CPT1C: variants seen among roughly 807,000 people sequenced by gnomAD.
The protein encoded by CPT1C is palmitoyl thioesterase CPT1C.
CPT1C carries 61 observed loss-of-function variants against 97.3 expected under a neutral mutation model. The ratio of observed to expected loss-of-function variants is 0.63; its 90% CI spans 0.51 to 0.78. The LOEUF (loss-of-function observed/expected upper bound fraction) is 0.78. Among genes scored for constraint, CPT1C ranks in the 30% least tolerant of loss-of-function variants. CPT1C has a pLI of 0.00. For missense variants in CPT1C, 975 were observed against 1,065.5 expected (o/e 0.92, Z 1.18); for synonymous variants, 469 against 447.2 (o/e 1.05, Z -0.61).
At chr19:49,710,298 C>G (rs2083779029) in intron 14 of CPT1C, 22 bp from the exon 15 acceptor site, 1 of 1,611,842 alleles carries the variant, frequency 6.2e-7, no homozygotes, top group South Asian at 1.1e-5. Flanking sequence ...CCAACTACTC[C>G]TCTTCCCTCC....
At chr19:49,701,691 C>G (rs2083071605) in intron 7 of CPT1C, 57 bp downstream of exon 7, 2 of 1,513,782 alleles carry the variant, frequency 1.3e-6, no homozygotes, top group African/African-American at 1.4e-5. Flanking sequence ...TGTGAGCTCG[C>G]CTGCTAAACT....
chr19:49,709,886 A>G (rs1377292206), intron 14 of CPT1C, among the ~76,000 whole-genome samples: 11 of 142,940 alleles, frequency 7.7e-5, no homozygotes, highest in Non-Finnish European at 1.5e-4. Context: ...CTTGCTCTGT[A>G]CCCAGGCTGG....
Position 49,709,270 on chromosome 19 carries a change from TC to T in CPT1C, c.1566+433del, listed in dbSNP as rs1206798684. 2.8e-5 allele frequency among the ~76,000 whole-genome samples: 4 copies of T among 144,346 alleles called. No homozygotes were observed. The East Asian group carries it at 9.0e-4, about 33-fold the overall frequency. 94.7% of individuals were successfully genotyped at this position (144,346 alleles called of 152,430 possible). A position where few individuals can be genotyped will look rare whatever the true frequency, so the allele number is the denominator to read the frequency against. ...AACCCCATACCCAACCCCAACCCCATCCTGTACTCAGCCACGACCCCACTTC... is the reference window on the plus strand; with the variant it reads ...AACCCCATACCCAACCCCAACCCCATCTGTACTCAGCCACGACCCCACTTC... On this transcript the variant is annotated intron_variant, in intron 14 of 19. Transcript: ENST00000598293.
upstream of CPT1C, chr19:49,691,080 G>A (rs946894320): frequency 6.6e-6 from 1 of 152,082 alleles, no homozygotes; most frequent in African/African-American, 2.4e-5. Context: ...ATAGAACGCG[G>A]GGATTGGAAG....
In CPT1C at chr19:49,701,515, C is replaced by G. The variant is rs1229810895; in HGVS notation, c.574C>G (p.Pro192Ala). Residue 192 changes from proline (P) to alanine (A), a missense_variant, in exon 7 of 20, where the codon CCC becomes GCC. Transcript: ENST00000598293. ...CCTTTAGTACCTGGAGTCGGTCCGGCCCATCCTCTCCGACGAGGACTTCGA... is the reference window on the plus strand; with the variant it reads ...CCTTTAGTACCTGGAGTCGGTCCGGGCCATCCTCTCCGACGAGGACTTCGA... ...TVRKYLESVRPILSDEDFDWT... is the reference protein window; with the variant it reads ...TVRKYLESVRAILSDEDFDWT... The G allele has an allele frequency of 6.2e-7, 1 of 1,611,206 alleles. No homozygotes were observed. Among genetic ancestry groups the G allele is most frequent in the East Asian group, 2.2e-5 (1 of 44,716 alleles).
chr19:49,690,932 C>CG (rs1283167288), upstream of CPT1C: 1 of 157,076 alleles, frequency 6.4e-6, no homozygotes, highest in East Asian at 1.9e-4. This position sits in a 1 kb window ranked among gnomAD's most constrained non-coding sequence, Gnocchi z 4.4. Flanking sequence ...AGTGAGGAGC[C>CG]CAGGAACCCG....
chr19:49,708,277 G>C (rs1051537175), intron 13 of CPT1C, among the ~76,000 whole-genome samples: 1 of 151,874 alleles, frequency 6.6e-6, no homozygotes, highest in African/African-American at 2.4e-5. Flanking sequence ...TTGAGCCCAG[G>C]AGTTTGAGAC....
chr19:49,698,889 G>C (rs1310612470), intron 4 of CPT1C, among the ~76,000 whole-genome samples: 1 of 151,796 alleles, frequency 6.6e-6, no homozygotes, highest in African/African-American at 2.4e-5. Context: ...GATCACCTGA[G>C]GTCAGGAGCT....
chr19:49,702,563 T>C lies in CPT1C; in HGVS notation c.693+929T>C, dbSNP rs1202287563. 4.1e-5 allele frequency among the ~76,000 whole-genome samples: 6 copies of C among 146,868 alleles called. No individual in the cohort carries two copies. In the Admixed American group the frequency reaches 4.2e-4, roughly 10 times the overall value. On this transcript the variant is annotated intron_variant, in intron 7 of 19. Coordinates refer to ENST00000598293, the MANE Select transcript of CPT1C (RefSeq NM_001199753.2). ...TGAACCCAGGAGGCAGAGGTGGCAC[T>C]GAACTGAGATCGCGCCACTGCACTT... is the stretch of plus-strand genomic sequence containing the variant.
At chr19:49,701,086 C>T (rs1200135685) in intron 5 of CPT1C, among the ~76,000 whole-genome samples, 1 of 65,308 alleles carries the variant, frequency 1.5e-5, no homozygotes, top group Non-Finnish European at 3.1e-5. Context: ...TGGGTCTCTA[C>T]CCCCGACTCT....
chr19:49,712,687 C>G (rs796320015), intron 17 of CPT1C, 49 bp from the exon 18 acceptor site: 2 of 1,400,704 alleles, frequency 1.4e-6, no homozygotes, highest in African/African-American at 1.4e-5. Context: ...AGCCAAGGGC[C>G]GGAACTGCAG....
rs941627452 is a variant in CPT1C, at chr19:49,713,633, C to T, written c.*28C>T. The T allele has an allele frequency of 6.3e-7, 1 of 1,588,380 alleles. No homozygotes were observed. The highest frequency in any genetic ancestry group is 1.3e-5 in the African/African-American group (1 of 74,538). On this transcript the variant is annotated 3_prime_UTR_variant, in exon 20 of 20. Transcript: ENST00000598293. The stretch of plus-strand genomic sequence containing the variant: ...CCTTCCAGCAGGCAGCTGGCCTCTC[C>T]AAGGAATAAGGGTGAAATTGCCACA...
At chr19:49,692,193 A>G (rs1327423747) in intron 2 of CPT1C, 46 bp from the exon 3 acceptor site, 5 of 1,594,960 alleles carry the variant, frequency 3.1e-6, no homozygotes, top group Non-Finnish European at 4.3e-6. Flanking sequence ...CCTGAGTCTG[A>G]GGGCGGAGGG....
intron 7 of CPT1C, 120 bp downstream of exon 7, chr19:49,701,754 C>T: frequency 8.4e-7 from 1 of 1,185,402 alleles, no homozygotes; most frequent in Non-Finnish European, 1.1e-6. Context: ...ACGCCCCCAG[C>T]CCCCAAGGGT....
intron 3 of CPT1C, chr19:49,696,636 CTTT>C (rs113941003): frequency 1.5e-5 from 2 of 136,770 alleles, no homozygotes; most frequent in South Asian, 2.3e-4. Flanking sequence ...TTTTTTCTTT[CTTT>C]TTTTTTTTTT....
At chr19:49,710,548 G>A in intron 15 of CPT1C, 64 bp downstream of exon 15, 5 of 1,595,700 alleles carry the variant, frequency 3.1e-6, no homozygotes, top group Middle Eastern at 1.7e-4. Context: ...CCCAAGACCT[G>A]CCCCTCCACG....
At chr19:49,692,161 G>A in intron 2 of CPT1C, 78 bp from the exon 3 acceptor site, 1 of 1,509,696 alleles carries the variant, frequency 6.6e-7, no homozygotes, top group Non-Finnish European at 9.0e-7. Context: ...TGAAGGAGGA[G>A]GAGGGGCTGG....
At chr19:49,707,426 C>A (rs1355400182) in intron 12 of CPT1C, 92 bp from the exon 13 acceptor site, 5 of 858,962 alleles carry the variant, frequency 5.8e-6, no homozygotes, top group African/African-American at 5.0e-5. Flanking sequence ...CCACATCTTC[C>A]CATCTAGAAA....
intron 6 of CPT1C, 23 bp downstream of exon 6, chr19:49,701,441 G>C (rs756027963): frequency 1.1e-5 from 17 of 1,589,732 alleles, no homozygotes; most frequent in Non-Finnish European, 1.1e-5. Flanking sequence ...GCGCGCAGAC[G>C]GGCTGGGGCG....
Sources: allele counts gnomAD v4.1 joint callset (sites outside exome capture counted in the v4.1 genomes callset), GRCh38; gene constraint gnomAD v4.1.1; non-coding constraint Gnocchi (gnomAD v3.1); transcripts MANE v1.5; gene names NCBI Gene and HGNC (gene_info 2026-07-23, HGNC 2026-07-21).